GRIN2A: variants seen among roughly 807,000 people sequenced by gnomAD.
GRIN2A encodes glutamate ionotropic receptor NMDA type subunit 2A.
GRIN2A carries 22 observed loss-of-function variants against 113.4 expected under a neutral mutation model. The ratio of observed to expected loss-of-function variants is 0.19; its 90% CI spans 0.14 to 0.28. The LOEUF (loss-of-function observed/expected upper bound fraction) is 0.28, where lower values mean the gene tolerates loss of function less well. GRIN2A is among the 10% of genes least tolerant of loss of function. The pLI is 1.00. For synonymous variants in GRIN2A, 827 were observed against 738.4 expected (o/e 1.12, Z -1.94); for missense variants, 1,502 against 1,887.0 (o/e 0.80, Z 3.78).
intron 4 of GRIN2A, among the ~76,000 whole-genome samples, chr16:9,862,667 T>G (rs2159909): frequency 0.31 from 47,013 of 151,834 alleles, 7,429 homozygotes; most frequent in African/African-American, 0.35. Flanking sequence ...TGGATTACTT[T>G]TAATTCTTTG....
intron 2 of GRIN2A, among the ~76,000 whole-genome samples, chr16:9,990,543 A>ACG (rs1491488487): frequency 4.2e-5 from 5 of 120,158 alleles, no homozygotes; most frequent in Non-Finnish European, 7.0e-5. Flanking sequence ...CTCTCTCTCT[A>ACG]CACGCGCGCG....
chr16:9,946,017 T>C (rs2045009599), intron 2 of GRIN2A, among the ~76,000 whole-genome samples: 1 of 152,166 alleles, frequency 6.6e-6, no homozygotes, highest in Non-Finnish European at 1.5e-5. Context: ...GAAATGTATT[T>C]CTTGATTCTC....
At chr16:10,137,224 C>T (rs1041943064) in intron 2 of GRIN2A, among the ~76,000 whole-genome samples, 2 of 152,182 alleles carry the variant, frequency 1.3e-5, no homozygotes, top group African/African-American at 4.8e-5. Flanking sequence ...GGGAAAGCCC[C>T]AACAGCACAT....
chr16:10,050,066 C>A (rs368837722), intron 2 of GRIN2A, among the ~76,000 whole-genome samples: 1 of 152,114 alleles, frequency 6.6e-6, no homozygotes, highest in African/African-American at 2.4e-5. Context: ...CTTACATGGC[C>A]GAGAAGACTT....
chr16:10,108,371 T>G (rs1254722722), intron 2 of GRIN2A, among the ~76,000 whole-genome samples: 1 of 152,200 alleles, frequency 6.6e-6, no homozygotes. Flanking sequence ...TTCAGTTACC[T>G]CCCACTGGGT....
chr16:10,083,096 A>C (rs544529931), intron 2 of GRIN2A, among the ~76,000 whole-genome samples: 3 of 152,214 alleles, frequency 2.0e-5, no homozygotes, highest in Non-Finnish European at 4.4e-5. Context: ...AAAAAATAAA[A>C]AATTTTCAAA....
chr16:9,855,577 A>C (rs1269455269), intron 4 of GRIN2A, among the ~76,000 whole-genome samples: 2 of 152,134 alleles, frequency 1.3e-5, no homozygotes, highest in Non-Finnish European at 2.9e-5. Context: ...GATAATCTCT[A>C]AGGTCTTTCA....
chr16:9,785,202 A>C (rs968478681), intron 11 of GRIN2A, among the ~76,000 whole-genome samples: 20 of 152,166 alleles, frequency 1.3e-4, no homozygotes, highest in Non-Finnish European at 2.6e-4. Flanking sequence ...ATGTCCAACA[A>C]TGATAGACTG....
chr16:10,089,916 GTGA>G (rs1239018762), intron 2 of GRIN2A, among the ~76,000 whole-genome samples: 1 of 152,122 alleles, frequency 6.6e-6, no homozygotes, highest in Non-Finnish European at 1.5e-5. Context: ...TCAAGTAGTA[GTGA>G]TCATATCAGA....
At chr16:10,078,538 T>A (rs2047919042) in intron 2 of GRIN2A, among the ~76,000 whole-genome samples, 1 of 151,546 alleles carries the variant, frequency 6.6e-6, no homozygotes, top group Non-Finnish European at 1.5e-5. Context: ...CAATAGGGAA[T>A]CCTCAGAGCA....
rs1045754644 is a variant in GRIN2A, at chr16:9,757,105, A to G, written c.*6044T>C. ...GGTCTATTTTCTAATCCTTTGGGGA[A>G]TTTTTTCAACCTTTTCTTGAGGCAC... On this transcript the variant is annotated 3_prime_UTR_variant, in exon 13 of 13. Transcript: ENST00000330684. The G allele has an allele frequency of 2.4e-5, 5 of 211,480 alleles. No homozygotes were observed. The highest frequency in any genetic ancestry group is 4.8e-5 in the Non-Finnish European group (5 of 104,308). The allele number at this position is 211,480 out of a possible 1,614,324, so 13.1% of individuals were successfully genotyped here.
intron 9 of GRIN2A, among the ~76,000 whole-genome samples, chr16:9,827,418 A>C (rs534246598): frequency 6.6e-6 from 1 of 152,356 alleles, no homozygotes; most frequent in African/African-American, 2.4e-5. Context: ...GGATAAAGTT[A>C]GGAAAGACTG....
intron 2 of GRIN2A, among the ~76,000 whole-genome samples, chr16:10,021,548 G>A (rs533620822): frequency 6.2e-4 from 94 of 152,274 alleles, no homozygotes; most frequent in African/African-American, 2.1e-3. Context: ...AATAAAAAAG[G>A]AAGCTGAAAT....
At chr16:10,037,517 A>C (rs11641209) in intron 2 of GRIN2A, among the ~76,000 whole-genome samples, 32,836 of 152,086 alleles carry the variant, frequency 0.22, 4,241 homozygotes, top group East Asian at 0.52. Context: ...TGCTTAAAAC[A>C]CTTTAATGTT....
At chr16:10,132,286 T>G (rs139104516) in intron 2 of GRIN2A, among the ~76,000 whole-genome samples, 2,202 of 143,220 alleles carry the variant, frequency 0.015, 57 homozygotes, top group African/African-American at 0.053. Context: ...GAGCTGAGAT[T>G]GTGCCACTGC....
In GRIN2A at chr16:9,930,435, G is replaced by GT. The variant is rs561448963; in HGVS notation, c.1007+7523_1007+7524insA. On this transcript the variant is annotated intron_variant, in intron 3 of 12. Coordinates refer to ENST00000330684, the MANE Select transcript of GRIN2A (RefSeq NM_001134407.3). ...ACATTCCACAAAGTCACATAGCTTT[G>GT]GGAAAAATGATTTGTGTTCCTCTGG... 4.9e-4 allele frequency among the ~76,000 whole-genome samples: 74 copies of GT among 152,246 alleles called. 1 individual carries two copies. The South Asian group carries it at 5.0e-3, about 10-fold the overall frequency.
At chr16:10,115,548 T>C (rs9783787) in intron 2 of GRIN2A, among the ~76,000 whole-genome samples, 142,507 of 152,272 alleles carry the variant, frequency 0.94, 67,427 homozygotes, top group East Asian at 1. Flanking sequence ...ACCAACAGGA[T>C]AGGCTGCTGG....
intron 2 of GRIN2A, among the ~76,000 whole-genome samples, chr16:10,127,421 C>T (rs1030201425): frequency 2.6e-5 from 4 of 152,074 alleles, no homozygotes; most frequent in African/African-American, 9.7e-5. Flanking sequence ...ACCTCCCTAC[C>T]CCCATACTCC....
At chr16:10,049,266 A>G (rs1014304551) in intron 2 of GRIN2A, among the ~76,000 whole-genome samples, 1 of 152,308 alleles carries the variant, frequency 6.6e-6, no homozygotes, top group Admixed American at 6.5e-5. Context: ...ATTTACATTT[A>G]AATGCTCTGT....
Sources: gnomAD v4.1 joint callset for allele counts (sites outside exome capture counted in the v4.1 genomes callset) on GRCh38, gnomAD v4.1.1 for gene constraint, MANE v1.5 for transcripts, NCBI Gene and HGNC (gene_info 2026-07-23, HGNC 2026-07-21) for gene names.